Variants in KCNN2 observed in about 807,000 individuals in gnomAD.
The protein encoded by KCNN2 is small conductance calcium-activated potassium channel protein 2.
Under a neutral mutation model 55.5 loss-of-function variants are expected in KCNN2, and 24 were observed. That is an observed-to-expected ratio of 0.43 (90% CI 0.31 to 0.61). The LOEUF is 0.61. KCNN2 is among the 20% of genes least tolerant of loss of function. KCNN2 has a pLI of 0.08. For synonymous variants in KCNN2, 431 were observed against 336.1 expected (o/e 1.28, Z -3.09); for missense variants, 754 against 853.6 (o/e 0.88, Z 1.45).
intron 2 of KCNN2, among the ~76,000 whole-genome samples, chr5:114,395,343 G>A (rs1413728597): frequency 6.6e-6 from 1 of 152,154 alleles, no homozygotes; most frequent in Non-Finnish European, 1.5e-5. Context: ...TGCTCATGGT[G>A]GGACATATTC....
At chr5:114,390,572 G>T (rs1455008123) in intron 2 of KCNN2, among the ~76,000 whole-genome samples, 1 of 152,064 alleles carries the variant, frequency 6.6e-6, no homozygotes, top group African/African-American at 2.4e-5. Flanking sequence ...CTATGACCAG[G>T]CATCCTTAAC....
rs1301212417 is a variant in KCNN2 at position 114,213,398 on chromosome 5, CT to C, written c.-270-8071del. ...CACATCTCCCTCTTCCTTGGTTTCT[CT>C]TTTTTTTTTTCTGTTTCAGTTTCTT... On this transcript the variant is annotated intron_variant, in intron 1 of 10. Coordinates refer to the KCNN2 transcript ENST00000512097. Among the ~76,000 whole-genome samples the C allele has an allele frequency of 4.7e-3, 687 of 145,920 alleles. 2 individuals carry two copies. Among genetic ancestry groups the C allele is most frequent in the African/African-American group, 0.011 (437 of 40,284 alleles).
In KCNN2 at chr5:114,362,499, CCGG is replaced by C. The variant is rs1757459845; in HGVS notation, c.361_363del (p.Arg121del). On this transcript the variant is annotated inframe_deletion, in exon 1 of 8. Transcript: ENST00000673685. ...GCTGCTGCTGCTGCTGCTCGTCGCG[CCGG>C]GGCAGCCAGCTCAATGTGAGCGAGC... 1.1e-5 allele frequency: 5 copies of C among 472,952 alleles called. No individual in the cohort carries two copies. The allele number at this position is 472,952 out of a possible 1,614,324, so 29.3% of individuals were successfully genotyped here. A position where few individuals can be genotyped will look rare whatever the true frequency, so the allele number is the denominator to read the frequency against.
chr5:114,312,428 CACACACATATATATATATATATATAT>C (rs1475911436), intron 2 of KCNN2, among the ~76,000 whole-genome samples: 69 of 22,210 alleles, frequency 3.1e-3, no homozygotes, highest in Middle Eastern at 0.019. Flanking sequence ...CACACACACA[CACACACATATATATATATATATATAT>C]ATATATATAT....
At chr5:114,198,235 A>T (rs537950513) in intron 1 of KCNN2, among the ~76,000 whole-genome samples, 1 of 151,592 alleles carries the variant, frequency 6.6e-6, no homozygotes, top group African/African-American at 2.4e-5. Flanking sequence ...TCTGGCTCCT[A>T]TATAATATTT....
intron 3 of KCNN2, among the ~76,000 whole-genome samples, chr5:114,416,918 A>G (rs548090417): frequency 1.3e-5 from 2 of 152,318 alleles, no homozygotes; most frequent in South Asian, 4.1e-4. Flanking sequence ...ATCAGTGATC[A>G]TGGGGAAAAT....
intron 1 of KCNN2, among the ~76,000 whole-genome samples, chr5:114,088,998 C>T (rs190307265): frequency 6.6e-6 from 1 of 152,232 alleles, no homozygotes; most frequent in East Asian, 1.9e-4. Flanking sequence ...AATGTAATTC[C>T]TTAAACATAT....
intron 2 of KCNN2, among the ~76,000 whole-genome samples, chr5:114,240,655 T>A (rs1044728811): frequency 6.6e-6 from 1 of 152,126 alleles, no homozygotes; most frequent in African/African-American, 2.4e-5. Flanking sequence ...GGTCTTGAAC[T>A]CCTTGCCTCA....
chr5:114,463,932 A>G (rs1406850554), intron 4 of KCNN2, among the ~76,000 whole-genome samples: 1 of 152,284 alleles, frequency 6.6e-6, no homozygotes, highest in East Asian at 1.9e-4. Context: ...TTTGAAGGCA[A>G]TGAGGCAAGA....
At chr5:114,082,899 A>G (rs1750855980) in intron 1 of KCNN2, among the ~76,000 whole-genome samples, 1 of 150,678 alleles carries the variant, frequency 6.6e-6, no homozygotes, top group Non-Finnish European at 1.5e-5. Flanking sequence ...GTTGCCAGGA[A>G]CTGGTGGAGA....
chr5:114,061,233 G>A (rs1323913703), intron 1 of KCNN2, among the ~76,000 whole-genome samples: 1 of 152,060 alleles, frequency 6.6e-6, no homozygotes, highest in Non-Finnish European at 1.5e-5. Context: ...ACAGACAATT[G>A]CAAATACACA....
chr5:114,449,704 A>G (rs1449949763), intron 3 of KCNN2, among the ~76,000 whole-genome samples: 3 of 152,140 alleles, frequency 2.0e-5, no homozygotes, highest in Non-Finnish European at 4.4e-5. Context: ...ATGCAGGTTC[A>G]TTTCCAACAT....
chr5:114,193,845 T>G (rs1464432312), intron 1 of KCNN2, among the ~76,000 whole-genome samples: 1 of 152,180 alleles, frequency 6.6e-6, no homozygotes, highest in Non-Finnish European at 1.5e-5. Context: ...GTGTGTGTTT[T>G]TATTTTCTTT....
At chr5:114,149,076 TTCAATAG>T (rs1160712581) in intron 1 of KCNN2, among the ~76,000 whole-genome samples, 1 of 152,104 alleles carries the variant, frequency 6.6e-6, no homozygotes, top group East Asian at 1.9e-4. Context: ...GACAATATTT[TTCAATAG>T]TCTGAAATAA....
chr5:114,458,210 T>C (rs745416704), intron 3 of KCNN2, among the ~76,000 whole-genome samples: 2 of 152,246 alleles, frequency 1.3e-5, no homozygotes, highest in Non-Finnish European at 2.9e-5. Flanking sequence ...TCACTAACTA[T>C]GGCTGACATT....
At chr5:114,077,224 A>G (rs1750701490) in intron 1 of KCNN2, among the ~76,000 whole-genome samples, 2 of 152,218 alleles carry the variant, frequency 1.3e-5, no homozygotes, top group Non-Finnish European at 1.5e-5. Context: ...ACAGAGTTGT[A>G]AGCAGTTGGA....
At chr5:114,415,863 A>G (rs549911581) in intron 3 of KCNN2, among the ~76,000 whole-genome samples, 1 of 152,214 alleles carries the variant, frequency 6.6e-6, no homozygotes, top group East Asian at 1.9e-4. Context: ...GAATGTGCTG[A>G]GGCTGTGTAC....
chr5:114,369,623 C>T (rs1757705409), intron 2 of KCNN2, among the ~76,000 whole-genome samples: 1 of 152,120 alleles, frequency 6.6e-6, no homozygotes. Flanking sequence ...GTCTATATTG[C>T]CAGCATCCTC....
chr5:114,267,374 T>G (rs1394612753), intron 2 of KCNN2, among the ~76,000 whole-genome samples: 1 of 152,120 alleles, frequency 6.6e-6, no homozygotes, highest in African/African-American at 2.4e-5. Flanking sequence ...CCCACCCCAT[T>G]CTTCATTGCC....
Sources: gnomAD v4.1 joint callset for allele counts (sites outside exome capture counted in the v4.1 genomes callset) on GRCh38, gnomAD v4.1.1 for gene constraint, MANE v1.5 for transcripts, NCBI Gene and HGNC (gene_info 2026-07-23, HGNC 2026-07-21) for gene names.